The following TTN variants were observed in gnomAD, a reference collection of about 807,000 sequenced individuals.
TTN encodes the protein titin.
A neutral mutation model predicts 3,223.0 loss-of-function variants in TTN; 1,525 were observed. The observed-to-expected ratio is 0.47, with a 90% CI of 0.45 to 0.49. TTN has a LOEUF of 0.49. Among genes scored for constraint, TTN ranks in the 20% least tolerant of loss-of-function variants. The pLI is 0.00. For synonymous variants in TTN, 14,094 were observed against 15,161.0 expected (o/e 0.93, Z 5.17); for missense variants, 40,786 against 43,424.0 (o/e 0.94, Z 5.40).
chr2:178,625,333 C>T lies in TTN; in HGVS notation c.44488G>A (p.Ala14830Thr), dbSNP rs1355448697. Residue 14830 changes from alanine (A) to threonine (T), a missense_variant, in exon 241 of 363, where the codon GCT becomes ACT. Transcript: ENST00000589042. The part of the protein sequence containing the change: ...LTLRDVKLED[A>T]GEVQLTAKDF... ...TTTGCTGTTAGTTGGACTTCCCCAG[C>T]ATCTTCTAACTTTACATCCCTCAGA... is the stretch of plus-strand genomic sequence containing the variant. 3.7e-6 allele frequency: 6 copies of T among 1,603,560 alleles called. No individual in the cohort carries two copies. Among genetic ancestry groups the T allele is most frequent in the Non-Finnish European group, 5.1e-6 (6 of 1,175,498 alleles).
Position 178,599,611 on chromosome 2 carries a change from T to C in TTN, c.56290A>G (p.Ile18764Val). The C allele has an allele frequency of 6.2e-7, 1 of 1,608,686 alleles. No individual in the cohort carries two copies. ...SRRSDTGLYT[I>V]TAVNNLGTAS... The stretch of plus-strand genomic sequence containing the variant: ...GTTCCCAGATTATTTACAGCTGTGA[T>C]GGTATATAAGCCAGTGTCACTCCTG... Residue 18764 changes from isoleucine (I) to valine (V), a missense_variant, in exon 289 of 363, where the codon ATC (isoleucine) becomes GTC (valine). Physicochemically the swap from Ile to Val is conservative, Grantham distance 29. Coordinates refer to ENST00000589042, the MANE Select transcript of TTN (RefSeq NM_001267550.2).
In TTN at chr2:178,530,554, T is replaced by C. The variant is rs546343124; in HGVS notation, c.106061A>G (p.Gln35354Arg). ...LKINNLTESD[Q>R]GEYVCEISGE... ...AGAAATCTCACAAACATATTCTCCT[T>C]GATCAGATTCAGTGAGGTTATTGAT... Residue 35354 changes from glutamine (Q) to arginine (R), a missense_variant, in exon 358 of 363, where the codon CAA becomes CGA. By Grantham distance (43) the Gln-to-Arg change is conservative (BLOSUM62 1). Coordinates refer to ENST00000589042, the MANE Select transcript of TTN (RefSeq NM_001267550.2). 3.1e-6 allele frequency: 5 copies of C among 1,614,002 alleles called. No homozygotes were observed. In the East Asian group the frequency reaches 1.1e-4, roughly 36 times the overall value.
intron 350 of TTN, 166 bp downstream of exon 350, chr2:178,541,116 C>G (rs113823139): frequency 1.6e-6 from 1 of 634,348 alleles, no homozygotes; most frequent in Non-Finnish European, 2.4e-6. Context: ...CAAACGGACA[C>G]AAGGGAACTT....
chr2:178,732,499 G>C lies in TTN; in HGVS notation c.16562C>G (p.Thr5521Arg). ...TCCAGCGACATTGCTGACTTTACATGTGTACGTGCCCGAATCAGAGGTTTT... is the reference window on the plus strand; with the variant it reads ...TCCAGCGACATTGCTGACTTTACATCTGTACGTGCCCGAATCAGAGGTTTT... ...LVKTSDSGTY[T>R]CKVSNVAGGV... Residue 5521 changes from threonine (T) to arginine (R), a missense_variant, in exon 56 of 363, where the codon ACA (threonine) becomes AGA (arginine). Physicochemically the swap from Thr to Arg is moderately conservative, Grantham distance 71 (BLOSUM62 -1). Transcript: ENST00000589042. 1.2e-6 allele frequency: 2 copies of C among 1,613,690 alleles called. No individual in the cohort carries two copies. The highest frequency in any genetic ancestry group is 1.1e-5 in the South Asian group (1 of 91,048).
rs765388232 is a variant in TTN, at chr2:178,590,215, G to C, written c.61510C>G (p.Pro20504Ala). Reference protein sequence around the residue: ...IRILARVKGRPEPDITWTKEG... With the variant: ...IRILARVKGRAEPDITWTKEG... ...TTAGTCCAAGTTATGTCTGGTTCAG[G>C]TCTGCCTTTGACTCGAGCTAGAATG... Residue 20504 changes from proline to alanine, a missense_variant, in exon 304 of 363, where the codon CCT becomes GCT. Coordinates refer to ENST00000589042, the MANE Select transcript of TTN (RefSeq NM_001267550.2). 6.2e-7 allele frequency: 1 copy of C among 1,603,580 alleles called. No homozygotes were observed. The highest frequency in any genetic ancestry group is 1.7e-5 in the Admixed American group (1 of 59,180).
chr2:178,632,232 T>G lies in TTN; in HGVS notation c.43662A>C (p.Thr14554=), dbSNP rs1218620496. 6.2e-7 allele frequency: 1 copy of G among 1,607,488 alleles called. No individual in the cohort carries two copies. The highest frequency in any genetic ancestry group is 8.5e-7 in the Non-Finnish European group (1 of 1,176,772). ...TGTCATCAATAGACAGGTCTTTGAA[T>G]GTGATCGAATGAGTTTTCCCTTCGT... The part of the protein sequence containing the change: ...MQDEGKTHSI[T]FKDLSIDDTS... Residue 14554 remains threonine (T), a synonymous_variant, in exon 236 of 363, where the codon ACA becomes ACC. Coordinates refer to ENST00000589042, the MANE Select transcript of TTN (RefSeq NM_001267550.2).
chr2:178,575,150 G>A lies in TTN; in HGVS notation c.70982C>T (p.Pro23661Leu), dbSNP rs1060500459. The A allele has an allele frequency of 1.2e-5, 20 of 1,612,366 alleles. No individual in the cohort carries two copies. The highest frequency in any genetic ancestry group is 2.2e-5 in the South Asian group (2 of 90,922). ...TTTTTTCCATGTCACTGTGGGCTTC[G>A]GTCGACCGAGCACTGGAATTTCAAC... Reference protein sequence around the residue: ...IKVEIPVLGRPKPTVTWKKGD... With the variant: ...IKVEIPVLGRLKPTVTWKKGD... The change falls in exon 326 of 363, where the codon CCG becomes CTG. Residue 23661 changes from proline (P) to leucine (L), a missense_variant. Pro to Leu is a moderately conservative substitution (Grantham distance 98). Coordinates refer to ENST00000589042, the MANE Select transcript of TTN (RefSeq NM_001267550.2). This position sits in a 1 kb window ranked among gnomAD's most constrained non-coding sequence, Gnocchi z 4.0.
chr2:178,590,148 A>C lies in TTN; in HGVS notation c.61577T>G (p.Ile20526Ser), dbSNP rs1234706508. 2 of 1,613,114 alleles carry C rather than the reference A, an allele frequency of 1.2e-6. No homozygotes were observed. Among genetic ancestry groups the C allele is most frequent in the Non-Finnish European group, 1.7e-6 (2 of 1,179,480 alleles). ...VLVREKRVDL[I>S]QDLPRVELQI... ...TAACTCAACACGAGGTAGATCCTGA[A>C]TAAGGTCCACCCTCTTTTCTCGGAC... Residue 20526 changes from isoleucine to serine, a missense_variant, in exon 304 of 363, where the codon ATT becomes AGT. By Grantham distance (142) the Ile-to-Ser change is moderately radical. Coordinates refer to ENST00000589042, the MANE Select transcript of TTN (RefSeq NM_001267550.2).
chr2:178,582,757 T>A, intron 313 of TTN, 165 bp from the exon 314 acceptor site: 5 of 917,768 alleles, frequency 5.4e-6, no homozygotes, highest in Non-Finnish European at 7.6e-6. Flanking sequence ...AATTAGGTAA[T>A]TGAAATATGT....
Position 178,580,339 on chromosome 2 carries a change from A to G in TTN, c.67040T>C (p.Ile22347Thr). 5.0e-6 allele frequency: 8 copies of G among 1,612,884 alleles called. No homozygotes were observed. The highest frequency in any genetic ancestry group is 6.8e-6 in the Non-Finnish European group (8 of 1,179,334). The change falls in exon 317 of 363, where the codon ATT (isoleucine) becomes ACT (threonine). Residue 22347 changes from isoleucine (I) to threonine (T), a missense_variant. Physicochemically the swap from Ile to Thr is moderately conservative, Grantham distance 89. Transcript: ENST00000589042. ...AGACTTACCAAGCACTTTCACAACA[A>G]TGGTATATTCCTTTTTACCACAGCT... The part of the protein sequence containing the change: ...ENSCGKKEYT[I>T]VVKVLDTPGP...
intron 314 of TTN, 33 bp from the exon 315 acceptor site, chr2:178,582,241 G>C (rs1380551741): frequency 1.9e-6 from 3 of 1,579,732 alleles, no homozygotes; most frequent in Non-Finnish European, 2.6e-6. Flanking sequence ...TAATTTCCCA[G>C]GCTAAAAGAT....
At position 178,528,722 on chromosome 2, in the gene TTN, A is replaced by G; in HGVS notation, c.107029T>C (p.Cys35677Arg). ...ASHRDEGILTCISKTKEGIVK... is the reference protein window; with the variant it reads ...ASHRDEGILTRISKTKEGIVK... ...ATTCCTTCCTTGGTTTTGCTTATGC[A>G]GGTGAGGATTCCTTCATCTCTGTGA... Residue 35677 changes from cysteine to arginine, a missense_variant, in exon 360 of 363, where the codon TGC becomes CGC. Coordinates refer to ENST00000589042, the MANE Select transcript of TTN (RefSeq NM_001267550.2). 5 of 1,613,570 alleles carry G rather than the reference A, an allele frequency of 3.1e-6. No individual in the cohort carries two copies. The highest frequency in any genetic ancestry group is 4.2e-6 in the Non-Finnish European group (5 of 1,179,658).
chr2:178,578,108 A>C lies in TTN; in HGVS notation c.68407T>G (p.Phe22803Val). The C allele has an allele frequency of 1.9e-6, 3 of 1,613,296 alleles. No homozygotes were observed. Among genetic ancestry groups the C allele is most frequent in the Non-Finnish European group, 1.7e-6 (2 of 1,179,486 alleles). Residue 22803 changes from phenylalanine to valine, a missense_variant, in exon 322 of 363, where the codon TTT becomes GTT. Coordinates refer to ENST00000589042, the MANE Select transcript of TTN (RefSeq NM_001267550.2). The stretch of plus-strand genomic sequence containing the variant: ...CCTTCAGTTAATCCTGTCACTTTAA[A>C]GTCTCTCATCCTTATCGGAGTCTTG... ...ANKTPIRMRD[F>V]KVTGLTEGLE...
Position 178,702,248 on chromosome 2 carries a change from A to G in TTN, c.30434-3T>C. The stretch of plus-strand genomic sequence containing the variant: ...CCGAGCGATGACCGAGTAGACACCT[A>G]GGGTGAAAAATCATCCAACTTTTGT... On this transcript the variant is annotated splice_polypyrimidine_tract_variant and splice_region_variant and intron_variant, in intron 107 of 362. Coordinates refer to ENST00000589042, the MANE Select transcript of TTN (RefSeq NM_001267550.2). 1 of 1,613,968 alleles carries G rather than the reference A, an allele frequency of 6.2e-7. No individual in the cohort carries two copies.
At position 178,571,978 on chromosome 2, in the gene TTN, G is replaced by A. The variant is rs1294182687; in HGVS notation, c.74154C>T (p.Phe24718=). 6.2e-7 allele frequency: 1 copy of A among 1,613,268 alleles called. No individual in the cohort carries two copies. Among genetic ancestry groups the A allele is most frequent in the Admixed American group, 1.7e-5 (1 of 59,970 alleles). Residue 24718 remains phenylalanine (F), a synonymous_variant, in exon 326 of 363, where the codon TTC becomes TTT. Transcript: ENST00000589042. The part of the protein sequence containing the change: ...IAKDLVIPPA[F]KLLFNTFTVL... Reference sequence around the variant, plus strand: ...CAGTGAAAGTATTGAACAGGAGTTTGAAGGCTGGTGGAATGACAAGATCTT... The same window carrying A: ...CAGTGAAAGTATTGAACAGGAGTTTAAAGGCTGGTGGAATGACAAGATCTT...
At chr2:178,652,981 A>C (rs1483486188) in intron 199 of TTN, 50 bp from the exon 200 acceptor site, 1 of 1,605,752 alleles carries the variant, frequency 6.2e-7, no homozygotes, top group South Asian at 1.1e-5. Flanking sequence ...GACCACTAGA[A>C]AAGTATTTTC....
At position 178,746,907 on chromosome 2, in the gene TTN, C is replaced by T. The variant is rs762675930; in HGVS notation, c.11312-4986G>A. 5.2e-5 allele frequency: 84 copies of T among 1,613,330 alleles called. No individual in the cohort carries two copies. In the East Asian group the frequency reaches 6.0e-4, roughly 12 times the overall value. ...GCTTCATTGGGTGTACCAAATGAAT[C>T]GGAACGCCATATTTCATAAGCTGAA... is the stretch of plus-strand genomic sequence containing the variant. On this transcript the variant is annotated intron_variant, in intron 47 of 362. Transcript: ENST00000589042.
At chr2:178,797,742 T>G (rs769392576) in intron 6 of TTN, among the ~76,000 whole-genome samples, 2 of 152,152 alleles carry the variant, frequency 1.3e-5, no homozygotes, top group Non-Finnish European at 2.9e-5. Context: ...TTAAAATTTT[T>G]TCACAAGTGC....
At position 178,663,493 on chromosome 2, in the gene TTN, C is replaced by A. The variant is rs1290238674; in HGVS notation, c.36556G>T (p.Val12186Phe). 2 of 1,612,736 alleles carry A rather than the reference C, an allele frequency of 1.2e-6. No individual in the cohort carries two copies. The highest frequency in any genetic ancestry group is 1.3e-5 in the African/African-American group (1 of 74,724). The change falls in exon 172 of 363, where the codon GTT (valine) becomes TTT (phenylalanine). Residue 12186 changes from valine to phenylalanine, a missense_variant. By Grantham distance (50) the Val-to-Phe change is conservative (BLOSUM62 -1). Transcript: ENST00000589042. Reference protein sequence around the residue: ...VKVPEAPKEVVPEKKVPVPPP... With the variant: ...VKVPEAPKEVFPEKKVPVPPP... ...GGCACTGGCACTTTCTTTTCAGGAACAACTTCTTTGGGAGCCTCAGGCACT... is the reference window on the plus strand; with the variant it reads ...GGCACTGGCACTTTCTTTTCAGGAAAAACTTCTTTGGGAGCCTCAGGCACT...
Sources: allele counts gnomAD v4.1 joint callset (sites outside exome capture counted in the v4.1 genomes callset), GRCh38; gene constraint gnomAD v4.1.1; non-coding constraint Gnocchi (gnomAD v3.1); transcripts MANE v1.5; gene names NCBI Gene and HGNC (gene_info 2026-07-23, HGNC 2026-07-21).